The following SDK1 variants were observed in gnomAD, a reference collection of about 807,000 sequenced individuals.
The protein encoded by SDK1 is protein sidekick-1.
In SDK1, 157 loss-of-function variants were observed where a neutral mutation model predicts 245.5. The observed-to-expected ratio is 0.64, with a 90% confidence interval of 0.56 to 0.73. The LOEUF is 0.73. SDK1 is among the 30% of genes least tolerant of loss of function. SDK1 has a pLI of 0.00. For missense variants in SDK1, 3,583 were observed against 3,002.3 expected (o/e 1.19, Z -4.52); for synonymous variants, 1,647 against 1,278.5 (o/e 1.29, Z -6.15).
chr7:3,447,937 C>G (rs1780394727), intron 1 of SDK1, among the ~76,000 whole-genome samples: 1 of 151,536 alleles, frequency 6.6e-6, no homozygotes, highest in Non-Finnish European at 1.5e-5. Context: ...TTCCCGAGCT[C>G]AGGTGATCCA....
intron 1 of SDK1, among the ~76,000 whole-genome samples, chr7:3,379,673 C>T (rs545627351): frequency 2.2e-4 from 34 of 152,172 alleles, no homozygotes; most frequent in Non-Finnish European, 3.7e-4. Flanking sequence ...AGAATAATGA[C>T]GTGGGAGCAT....
At chr7:4,241,684 C>G in intron 42 of SDK1, 109 bp from the exon 43 acceptor site, 1 of 1,385,596 alleles carries the variant, frequency 7.2e-7, no homozygotes, top group African/African-American at 1.4e-5. Flanking sequence ...GCTCTGGGCT[C>G]TGCGTGCAGC....
intron 2 of SDK1, among the ~76,000 whole-genome samples, chr7:3,637,825 G>A (rs1782514561): frequency 6.6e-6 from 1 of 152,248 alleles, no homozygotes; most frequent in Non-Finnish European, 1.5e-5. Flanking sequence ...GAAAGGAAGT[G>A]AATACATTGT....
intron 1 of SDK1, among the ~76,000 whole-genome samples, chr7:3,311,513 T>C (rs1359266205): frequency 6.6e-6 from 1 of 152,146 alleles, no homozygotes; most frequent in Non-Finnish European, 1.5e-5. Flanking sequence ...GCATTTGAAA[T>C]GCATAGTGAC....
intron 4 of SDK1, among the ~76,000 whole-genome samples, chr7:3,818,510 G>A (rs1008910696): frequency 1.3e-4 from 20 of 152,204 alleles, no homozygotes; most frequent in African/African-American, 4.6e-4. Flanking sequence ...AACCTTTTAT[G>A]TGTACACACA....
At chr7:3,619,539 T>A (rs764763593) in intron 2 of SDK1, among the ~76,000 whole-genome samples, 1 of 152,184 alleles carries the variant, frequency 6.6e-6, no homozygotes, top group African/African-American at 2.4e-5. Context: ...TATGATACAT[T>A]TACTTTCCAA....
chr7:3,811,895 A>G (rs1320154383), intron 4 of SDK1, among the ~76,000 whole-genome samples: 1 of 152,182 alleles, frequency 6.6e-6, no homozygotes, highest in Non-Finnish European at 1.5e-5. Context: ...TACACTTTCA[A>G]AAGCTATCAC....
intron 5 of SDK1, among the ~76,000 whole-genome samples, chr7:3,942,310 C>A (rs1004812077): frequency 6.6e-6 from 1 of 152,198 alleles, no homozygotes; most frequent in Non-Finnish European, 1.5e-5. Flanking sequence ...CCTTATTTCA[C>A]ATGGACCAGC....
chr7:3,695,212 A>G (rs954823281), intron 4 of SDK1, among the ~76,000 whole-genome samples: 1 of 152,212 alleles, frequency 6.6e-6, no homozygotes, highest in South Asian at 2.1e-4. Flanking sequence ...CACACAGCAA[A>G]TTAAATAAGT....
At chr7:3,944,512 A>G (rs1052969577) in intron 5 of SDK1, among the ~76,000 whole-genome samples, 3 of 152,218 alleles carry the variant, frequency 2.0e-5, no homozygotes, top group African/African-American at 7.2e-5. Context: ...TGATAAATTA[A>G]TCATTGAGTA....
chr7:3,568,471 T>C (rs1779998077), intron 1 of SDK1, among the ~76,000 whole-genome samples: 1 of 152,192 alleles, frequency 6.6e-6, no homozygotes, highest in African/African-American at 2.4e-5. Context: ...CCATGGGTGA[T>C]TCACCTTTGA....
intron 5 of SDK1, among the ~76,000 whole-genome samples, chr7:3,873,365 A>G (rs7788810): frequency 0.014 from 2,065 of 151,838 alleles, 52 homozygotes; most frequent in African/African-American, 0.047. Context: ...TTCCTTAAAT[A>G]TTTTTTATTT....
At chr7:3,845,488 CAAAAAAAAAAAAAA>C (rs369588343) in intron 5 of SDK1, among the ~76,000 whole-genome samples, 1 of 40,196 alleles carries the variant, frequency 2.5e-5, no homozygotes, top group African/African-American at 8.4e-5. Context: ...GACTCCGTCT[CAAAAAAAAAAAAAA>C]AAAAAAAAAA....
At position 3,897,874 on chromosome 7, in the gene SDK1, TTTC is replaced by T. The variant is rs143401676; in HGVS notation, c.848-53046_848-53044del. On this transcript the variant is annotated intron_variant, in intron 5 of 44. Transcript: ENST00000404826. The stretch of plus-strand genomic sequence containing the variant: ...CTTTTTTCTTTTCTTAAATTTCCCT[TTTC>T]TTATCTTTTCTCTCATCTTTTACTC... 7.6e-3 allele frequency among the ~76,000 whole-genome samples: 1,158 copies of T among 152,238 alleles called. 18 individuals carry two copies. The highest frequency in any genetic ancestry group is 0.026 in the African/African-American group (1,098 of 41,548).
At position 4,160,521 on chromosome 7, in the gene SDK1, G is replaced by A. The variant is rs139936464; in HGVS notation, c.4730-1265G>A. On this transcript the variant is annotated intron_variant, in intron 31 of 44. Coordinates refer to ENST00000404826, the MANE Select transcript of SDK1 (RefSeq NM_152744.4). Reference sequence around the variant, plus strand: ...AATGGAGTTGCATTGTATTTGTGTTGTATTGTCTTACACTATCTAGAGATT... The same window carrying A: ...AATGGAGTTGCATTGTATTTGTGTTATATTGTCTTACACTATCTAGAGATT... Among the ~76,000 whole-genome samples, 24 of 152,308 alleles carry A rather than the reference G, an allele frequency of 1.6e-4. 1 individual carries two copies. The East Asian group carries it at 4.6e-3, about 29-fold the overall frequency.
At position 3,910,632 on chromosome 7, in the gene SDK1, C is replaced by T. The variant is rs373716077; in HGVS notation, c.848-40291C>T. ...CCCAGTCTTGTTTTTTGCATAAGTA[C>T]GCTGCCCAGGCTCCGGTGATTGACA... On this transcript the variant is annotated intron_variant, in intron 5 of 44. Coordinates refer to ENST00000404826, the MANE Select transcript of SDK1 (RefSeq NM_152744.4). Among the ~76,000 whole-genome samples, 12 of 152,240 alleles carry T rather than the reference C, an allele frequency of 7.9e-5. No individual in the cohort carries two copies. In the East Asian group the frequency reaches 9.7e-4, roughly 12 times the overall value.
intron 19 of SDK1, among the ~76,000 whole-genome samples, chr7:4,065,641 T>G (rs1002621957): frequency 9.3e-5 from 14 of 151,336 alleles, no homozygotes; most frequent in African/African-American, 3.4e-4. Flanking sequence ...TCAGAGCATT[T>G]GAGCTTATCT....
intron 5 of SDK1, among the ~76,000 whole-genome samples, chr7:3,860,230 A>T (rs1430198033): frequency 6.6e-6 from 1 of 152,214 alleles, no homozygotes; most frequent in African/African-American, 2.4e-5. Flanking sequence ...TCTATGTAAC[A>T]AAGGCCCTAT....
At chr7:3,422,609 A>G (rs1361531196) in intron 1 of SDK1, among the ~76,000 whole-genome samples, 6 of 152,178 alleles carry the variant, frequency 3.9e-5, no homozygotes, top group African/African-American at 1.2e-4. Context: ...CCTGGGCAAC[A>G]TAGCAAGACC....
Sources: gnomAD v4.1 joint callset for allele counts (sites outside exome capture counted in the v4.1 genomes callset) on GRCh38, gnomAD v4.1.1 for gene constraint, MANE v1.5 for transcripts, NCBI Gene and HGNC (gene_info 2026-07-23, HGNC 2026-07-21) for gene names.